Variants in PXK observed in about 807,000 individuals in gnomAD.
The protein encoded by PXK is PX domain-containing protein kinase-like protein.
Under a neutral mutation model 84.7 loss-of-function variants are expected in PXK, and 35 were observed. That is an observed-to-expected ratio of 0.41 (90% confidence interval 0.32 to 0.55). The LOEUF (loss-of-function observed/expected upper bound fraction) is 0.55, where lower values mean the gene tolerates loss of function less well. Ranked by LOEUF, PXK falls within the 20% of genes least tolerant of loss-of-function variation. The pLI is 0.21. For missense variants in PXK, 634 were observed against 699.7 expected (o/e 0.91, Z 1.06); for synonymous variants, 253 against 260.8 (o/e 0.97, Z 0.29).
At chr3:58,402,790 T>TA (rs1235983794) in intron 12 of PXK, among the ~76,000 whole-genome samples, 1 of 151,002 alleles carries the variant, frequency 6.6e-6, no homozygotes, top group East Asian at 1.9e-4. Flanking sequence ...TGGGTAATTT[T>TA]AAAATCATTT....
At position 58,336,048 on chromosome 3, in the gene PXK, TATATATATATATATATATATATA is replaced by T. The variant is rs1441607242; in HGVS notation, c.102+2959_102+2981del. On this transcript the variant is annotated intron_variant, in intron 1 of 17. Transcript: ENST00000356151. ...TTTAACCTTGGGAAACATATATATATATATATATATATATATATATATATTTTTTTTTTTTTTTTTTAATACCA... is the reference window on the plus strand; with the variant it reads ...TTTAACCTTGGGAAACATATATATATTTTTTTTTTTTTTTTTTTAATACCA... Among the ~76,000 whole-genome samples the T allele has an allele frequency of 2.8e-3, 135 of 48,752 alleles. 2 individuals are homozygous for T. Among genetic ancestry groups the T allele is most frequent in the African/African-American group, 0.014 (131 of 9,414 alleles). The allele number at this position is 48,752 out of a possible 152,430, so 32.0% of individuals were successfully genotyped here. A position where few individuals can be genotyped will look rare whatever the true frequency, so the allele number is the denominator to read the frequency against.
chr3:58,368,984 A>G (rs760255407), intron 2 of PXK, among the ~76,000 whole-genome samples: 1 of 152,232 alleles, frequency 6.6e-6, no homozygotes, highest in African/African-American at 2.4e-5. Flanking sequence ...TCCAGTCTCC[A>G]GGGTGGTGGG....
chr3:58,392,854 G>A (rs2098645044), intron 7 of PXK, among the ~76,000 whole-genome samples: 1 of 151,700 alleles, frequency 6.6e-6, no homozygotes, highest in African/African-American at 2.4e-5. Context: ...TAGAGATGGG[G>A]TTTCACCATG....
At chr3:58,382,455 T>C in intron 3 of PXK, 59 bp from the exon 4 acceptor site, 1 of 1,369,434 alleles carries the variant, frequency 7.3e-7, no homozygotes, top group Non-Finnish European at 9.6e-7. Context: ...GTCAAGATTT[T>C]TGTGTTGATT....
chr3:58,420,442 T>C (rs2061652620), intron 17 of PXK: 1 of 1,426,592 alleles, frequency 7.0e-7, no homozygotes, highest in South Asian at 1.2e-5. Context: ...TTCAGACTAA[T>C]ATTTTACTGT....
chr3:58,384,619 T>G (rs1345342437), intron 4 of PXK, among the ~76,000 whole-genome samples: 1 of 152,154 alleles, frequency 6.6e-6, no homozygotes, highest in African/African-American at 2.4e-5. Context: ...TTCCCAAAAT[T>G]GTCAGACAGC....
At chr3:58,405,972 A>ATT (rs59301727) in intron 13 of PXK, among the ~76,000 whole-genome samples, 55 of 151,380 alleles carry the variant, frequency 3.6e-4, no homozygotes, top group African/African-American at 1.3e-3. Context: ...TTTTTTAAAT[A>ATT]TTTTTTTTTC....
intron 1 of PXK, among the ~76,000 whole-genome samples, chr3:58,348,498 CTT>C (rs2097860472): frequency 6.6e-6 from 1 of 152,128 alleles, no homozygotes; most frequent in Admixed American, 6.5e-5. Context: ...ACATATGTAA[CTT>C]TACATTTTCT....
intron 1 of PXK, among the ~76,000 whole-genome samples, chr3:58,354,355 G>C (rs2098017424): frequency 6.6e-6 from 1 of 152,060 alleles, no homozygotes; most frequent in African/African-American, 2.4e-5. Context: ...GGTGAGAGTA[G>C]AGGAGATTAT....
At chr3:58,424,727 T>C (rs755659151) in intron 17 of PXK, 25 bp from the exon 18 acceptor site, 132 of 1,609,218 alleles carry the variant, frequency 8.2e-5, no homozygotes, top group Non-Finnish European at 7.6e-6. Flanking sequence ...AGGTGAATAC[T>C]GATTGTCCCC....
rs2062707875 is a variant in PXK at position 58,425,537 on chromosome 3, C to CT, written c.*579dup. 1.3e-5 allele frequency: 2 copies of CT among 154,274 alleles called. No homozygotes were observed. The highest frequency in any genetic ancestry group is 6.4e-5 in the Admixed American group (1 of 15,592). 9.6% of individuals were successfully genotyped at this position (154,274 alleles called of 1,614,324 possible). A position where few individuals can be genotyped will look rare whatever the true frequency, so the allele number is the denominator to read the frequency against. On this transcript the variant is annotated 3_prime_UTR_variant, in exon 18 of 18. Coordinates refer to ENST00000356151, the MANE Select transcript of PXK (RefSeq NM_017771.5). ...GAATGGGGAACGTTCACAACATTCT[C>CT]TTAAGTTCTAACAGGAATACCATTG... is the stretch of plus-strand genomic sequence containing the variant.
chr3:58,378,492 C>CTTCTTCTT (rs1451583616), intron 3 of PXK, among the ~76,000 whole-genome samples: 1 of 24,318 alleles, frequency 4.1e-5, no homozygotes, highest in African/African-American at 1.4e-4. Flanking sequence ...CATTTTTCTT[C>CTTCTTCTT]TTTTTTTTTT....
Position 58,395,723 on chromosome 3 carries a change from C to T in PXK, c.786C>T (p.Leu262=), listed in dbSNP as rs143820637. 1.2e-6 allele frequency: 2 copies of T among 1,613,310 alleles called. No individual in the cohort carries two copies. The highest frequency in any genetic ancestry group is 1.7e-6 in the Non-Finnish European group (2 of 1,179,444). The change falls in exon 9 of 18, where the codon CTC becomes CTT. Residue 262 remains leucine, a synonymous_variant. Coordinates refer to ENST00000356151, the MANE Select transcript of PXK (RefSeq NM_017771.5). The part of the protein sequence containing the change: ...CNPKKIQGLE[L]QQIKTYGRQI... ...CTAAGAAGATTCAGGGCCTGGAACT[C>T]CAGCAAATAAAAACATATGGACGGC...
intron 1 of PXK, among the ~76,000 whole-genome samples, chr3:58,363,362 T>C (rs1308023340): frequency 1.3e-5 from 2 of 152,136 alleles, no homozygotes; most frequent in Admixed American, 1.3e-4. Context: ...ACTGGGTCTC[T>C]CTCTTTTGCC....
Position 58,423,342 on chromosome 3 carries a change from A to G in PXK, c.1529-1410A>G. The G allele has an allele frequency of 2.0e-6, 3 of 1,472,268 alleles. No homozygotes were observed. In the Admixed American group the frequency reaches 6.1e-5, roughly 30 times the overall value. The allele number at this position is 1,472,268 out of a possible 1,614,324, so 91.2% of individuals were successfully genotyped here. A position where few individuals can be genotyped will look rare whatever the true frequency, so the allele number is the denominator to read the frequency against. ...TTTCATTCATCAGTTGTTATTGTGT[A>G]GAACCAATGAACATGTTGGTCATTT... On this transcript the variant is annotated intron_variant, in intron 17 of 17. Coordinates refer to ENST00000356151, the MANE Select transcript of PXK (RefSeq NM_017771.5).
At chr3:58,336,072 T>TATA (rs58493068) in intron 1 of PXK, among the ~76,000 whole-genome samples, 266 of 30,844 alleles carry the variant, frequency 8.6e-3, no homozygotes, top group East Asian at 0.039. Flanking sequence ...TATATATATA[T>TATA]TTTTTTTTTT....
Position 58,358,578 on chromosome 3 carries a change from C to G in PXK, c.103-7296C>G, listed in dbSNP as rs149307686. Reference sequence around the variant, plus strand: ...TGTGACCTCTTCTACTCACCTGATCCCCAGTTTCTCAACCTTGGTACTTTG... The same window carrying G: ...TGTGACCTCTTCTACTCACCTGATCGCCAGTTTCTCAACCTTGGTACTTTG... On this transcript the variant is annotated intron_variant, in intron 1 of 17. Transcript: ENST00000356151. Among the ~76,000 whole-genome samples, 1,457 of 152,216 alleles carry G rather than the reference C, an allele frequency of 9.6e-3. 31 individuals carry two copies. Among genetic ancestry groups the G allele is most frequent in the African/African-American group, 0.033 (1,385 of 41,500 alleles).
chr3:58,410,232 G>A (rs2060001660), intron 16 of PXK, 73 bp downstream of exon 16: 2 of 1,156,318 alleles, frequency 1.7e-6, no homozygotes, highest in East Asian at 2.3e-5. Context: ...TGGTCAAGAG[G>A]TCTTGAGTTC....
At chr3:58,403,248 G>T (rs1448185153) in intron 12 of PXK, among the ~76,000 whole-genome samples, 1 of 151,808 alleles carries the variant, frequency 6.6e-6, no homozygotes, top group Admixed American at 6.6e-5. Context: ...CAAGTGATCC[G>T]CCTGCCTCAG....
Sources: allele counts gnomAD v4.1 joint callset (sites outside exome capture counted in the v4.1 genomes callset), GRCh38; gene constraint gnomAD v4.1.1; transcripts MANE v1.5; gene names NCBI Gene and HGNC (gene_info 2026-07-23, HGNC 2026-07-21).